SCAF8: variants seen among roughly 807,000 people sequenced by gnomAD.
SCAF8 encodes SR-related CTD associated factor 8, also known as SR-related and CTD-associated factor 8.
Under a neutral mutation model 140.5 loss-of-function variants are expected in SCAF8, and 23 were observed. The ratio of observed to expected loss-of-function variants is 0.16; its 90% CI spans 0.12 to 0.23. SCAF8 has a LOEUF of 0.23. Among genes scored for constraint, SCAF8 ranks in the 10% least tolerant of loss-of-function variants. The pLI is 1.00. For synonymous variants in SCAF8, 575 were observed against 528.9 expected, an observed-to-expected ratio of 1.09 and a Z score of -1.20; for missense variants, 1,397 against 1,555.7, an observed-to-expected ratio of 0.90 and a Z score of 1.72.
At chr6:154,755,701 T>A (rs1005625822) in intron 1 of SCAF8, among the ~76,000 whole-genome samples, 1 of 152,220 alleles carries the variant, frequency 6.6e-6, no homozygotes, top group Non-Finnish European at 1.5e-5. Flanking sequence ...TAAATAGGAA[T>A]ATGCTTATTA....
chr6:154,787,730 C>A, intron 3 of SCAF8, 131 bp from the exon 4 acceptor site: 1 of 667,058 alleles, frequency 1.5e-6, no homozygotes, highest in South Asian at 2.2e-5. Context: ...TTGGAGTAGT[C>A]AATGTATGAA....
intron 2 of SCAF8, among the ~76,000 whole-genome samples, chr6:154,774,717 A>G (rs953746773): frequency 3.9e-5 from 6 of 152,350 alleles, no homozygotes; most frequent in African/African-American, 1.2e-4. Flanking sequence ...GGCCATAGAC[A>G]TTTAACCTTT....
Position 154,788,272 on chromosome 6 carries a change from A to G in SCAF8, c.321+250A>G, listed in dbSNP as rs79609884. On this transcript the variant is annotated intron_variant, in intron 4 of 19. Coordinates refer to ENST00000367178, the MANE Select transcript of SCAF8 (RefSeq NM_014892.5). The stretch of plus-strand genomic sequence containing the variant: ...TATGCAGTACAGTGACATGCTGTAC[A>G]TGTTTGTAGTCTAGGAGCAATGGAA... Among the ~76,000 whole-genome samples, 301 of 152,286 alleles carry G rather than the reference A, an allele frequency of 2.0e-3. 1 individual carries two copies. The highest frequency in any genetic ancestry group is 6.8e-3 in the African/African-American group (281 of 41,570).
chr6:154,805,800 G>T (rs949227586), intron 9 of SCAF8, among the ~76,000 whole-genome samples: 19 of 151,982 alleles, frequency 1.3e-4, no homozygotes, highest in Non-Finnish European at 2.5e-4. Context: ...GATGGAGGGG[G>T]TTTCAGAATT....
chr6:154,797,939 G>A (rs946353893), intron 6 of SCAF8, among the ~76,000 whole-genome samples: 4 of 151,046 alleles, frequency 2.6e-5, no homozygotes, highest in African/African-American at 9.7e-5. Flanking sequence ...ATTTTCATAC[G>A]TCTCACCCTT....
intron 6 of SCAF8, among the ~76,000 whole-genome samples, chr6:154,800,908 TTAAAA>T (rs1777752940): frequency 6.6e-6 from 1 of 151,446 alleles, no homozygotes; most frequent in Non-Finnish European, 1.5e-5. Flanking sequence ...AAGATGCCTA[TTAAAA>T]TAAATATTTT....
At chr6:154,766,083 GTTA>G (rs58415458) in intron 1 of SCAF8, among the ~76,000 whole-genome samples, 37,456 of 151,842 alleles carry the variant, frequency 0.25, 5,162 homozygotes, top group East Asian at 0.64. Flanking sequence ...AAAAGAAAAT[GTTA>G]TTAAGAAAAT....
intron 14 of SCAF8, among the ~76,000 whole-genome samples, chr6:154,819,826 A>G (rs940536752): frequency 6.6e-6 from 1 of 152,070 alleles, no homozygotes; most frequent in Non-Finnish European, 1.5e-5. Context: ...TGTCTCTACT[A>G]AAAAATACAA....
intron 6 of SCAF8, among the ~76,000 whole-genome samples, chr6:154,797,449 A>G (rs752390436): frequency 5.3e-5 from 8 of 151,066 alleles, no homozygotes; most frequent in Non-Finnish European, 1.0e-4. Flanking sequence ...AGGCTGTAGT[A>G]CAGTGGTGCA....
chr6:154,831,418 A>G (rs367714135), intron 19 of SCAF8, among the ~76,000 whole-genome samples: 1 of 152,084 alleles, frequency 6.6e-6, no homozygotes, highest in African/African-American at 2.4e-5. Context: ...TCAAAATAAT[A>G]CTGCACAAAA....
Position 154,833,509 on chromosome 6 carries a change from G to A in SCAF8, c.*114G>A, listed in dbSNP as rs936783189. The A allele has an allele frequency of 4.2e-6, 4 of 955,454 alleles. No individual in the cohort carries two copies. The Admixed American group carries it at 1.0e-4, about 25-fold the overall frequency. The allele number at this position is 955,454 out of a possible 1,614,324, so 59.2% of individuals were successfully genotyped here. ...TTGTCTGCCAGAATTAAGTTAATCT[G>A]ATGTTCATGTTCACCTTTCTCTTAA... On this transcript the variant is annotated 3_prime_UTR_variant, in exon 20 of 20. Transcript: ENST00000367178.
At position 154,784,153 on chromosome 6, in the gene SCAF8, A is replaced by ATATATT. The variant is rs1162082632; in HGVS notation, c.160-3704_160-3699dup. On this transcript the variant is annotated intron_variant, in intron 3 of 19. Transcript: ENST00000367178. ...TATATATATATATATATATATATAT[A>ATATATT]TATATTTATTTATTTATTTTTCATG... Among the ~76,000 whole-genome samples, 67 of 109,346 alleles carry ATATATT rather than the reference A, an allele frequency of 6.1e-4. 1 individual carries two copies. The highest frequency in any genetic ancestry group is 9.1e-4 in the Non-Finnish European group (49 of 53,998). 71.7% of individuals were successfully genotyped at this position (109,346 alleles called of 152,430 possible). A position where few individuals can be genotyped will look rare whatever the true frequency, so the allele number is the denominator to read the frequency against.
intron 18 of SCAF8, among the ~76,000 whole-genome samples, chr6:154,829,530 G>C (rs1562467713): frequency 6.6e-6 from 1 of 152,112 alleles, no homozygotes; most frequent in Non-Finnish European, 1.5e-5. Context: ...GAGTGTATGT[G>C]ATATATAAAG....
At chr6:154,812,680 C>T (rs554321644) in intron 12 of SCAF8, among the ~76,000 whole-genome samples, 4 of 152,124 alleles carry the variant, frequency 2.6e-5, no homozygotes, top group South Asian at 2.1e-4. Flanking sequence ...ATAAGGTTTT[C>T]GTGAATAGTC....
intron 1 of SCAF8, among the ~76,000 whole-genome samples, chr6:154,760,490 G>C (rs1313299664): frequency 6.6e-6 from 1 of 151,756 alleles, no homozygotes; most frequent in Non-Finnish European, 1.5e-5. Flanking sequence ...TTTAAAAAAG[G>C]GTTCTAGATT....
At chr6:154,796,355 C>CTCTCTCTCT (rs1562450785) in intron 6 of SCAF8, among the ~76,000 whole-genome samples, 1 of 86,596 alleles carries the variant, frequency 1.2e-5, no homozygotes, top group African/African-American at 5.0e-5. Flanking sequence ...CAATCCTGTT[C>CTCTCTCTCT]TCTCTCTCTC....
In SCAF8 at chr6:154,822,348, A is replaced by G; in HGVS notation, c.1865A>G (p.Glu622Gly). Residue 622 changes from glutamate (E) to glycine (G), a missense_variant, in exon 16 of 20, where the codon GAA becomes GGA. Physicochemically the swap from Glu to Gly is moderately conservative, Grantham distance 98. Around this residue, in one of 5 missense-constraint regions of SCAF8, gnomAD observed 930 missense variants for 874.6 expected, o/e 1.06. Coordinates refer to ENST00000367178, the MANE Select transcript of SCAF8 (RefSeq NM_014892.5). ...ACAACTCAGAGCCCAACTCCAGTTG[A>G]AAAGGAGACAGTGGTCACAACCCAG... ...VQTTQSPTPV[E>G]KETVVTTQAE... The G allele has an allele frequency of 6.2e-7, 1 of 1,613,754 alleles. No homozygotes were observed. The highest frequency in any genetic ancestry group is 8.5e-7 in the Non-Finnish European group (1 of 1,179,730).
chr6:154,786,754 C>G (rs1412629264), intron 3 of SCAF8, among the ~76,000 whole-genome samples: 7 of 152,256 alleles, frequency 4.6e-5, no homozygotes, highest in South Asian at 4.1e-4. Context: ...TGTTTTGAGT[C>G]TAATGGTACG....
intron 3 of SCAF8, among the ~76,000 whole-genome samples, chr6:154,785,515 T>C (rs1428679325): frequency 6.6e-6 from 1 of 152,208 alleles, no homozygotes; most frequent in Non-Finnish European, 1.5e-5. Flanking sequence ...TAGATTTAAA[T>C]TTTTCTAATC....
Sources: gnomAD v4.1 joint callset for allele counts (sites outside exome capture counted in the v4.1 genomes callset) on GRCh38, gnomAD v4.1.1 for gene constraint, gnomAD v4.1.1 regional missense constraint, MANE v1.5 for transcripts, NCBI Gene and HGNC (gene_info 2026-07-23, HGNC 2026-07-21) for gene names.